TPD52L2: variants seen among roughly 807,000 people sequenced by gnomAD.
The protein encoded by TPD52L2 is tumor protein D54.
In TPD52L2, 19 loss-of-function variants were observed where a neutral mutation model predicts 24.7. The ratio of observed to expected loss-of-function variants is 0.77; its 90% CI spans 0.54 to 1.13. The LOEUF (loss-of-function observed/expected upper bound fraction) is 1.13. Ranked by LOEUF, TPD52L2 falls within the 50% of genes most tolerant of loss-of-function variation. TPD52L2 has a pLI of 0.00. For synonymous variants in TPD52L2, 104 were observed against 100.2 expected (o/e 1.04, Z -0.23); for missense variants, 236 against 250.4 (o/e 0.94, Z 0.39).
intron 4 of TPD52L2, among the ~76,000 whole-genome samples, chr20:63,876,386 G>T (rs1458063999): frequency 6.6e-6 from 1 of 152,174 alleles, no homozygotes; most frequent in Non-Finnish European, 1.5e-5. Context: ...CTCACGATCT[G>T]GGAGGCACTG....
At chr20:63,886,374 T>G (rs191802568) in intron 5 of TPD52L2, among the ~76,000 whole-genome samples, 1 of 152,120 alleles carries the variant, frequency 6.6e-6, no homozygotes, top group Admixed American at 6.5e-5. Context: ...GCTTTTTTTT[T>G]TTTTTAGACG....
At chr20:63,878,285 C>G (rs751315227) in intron 4 of TPD52L2, among the ~76,000 whole-genome samples, 16 of 152,216 alleles carry the variant, frequency 1.1e-4, no homozygotes, top group Non-Finnish European at 2.2e-4. Context: ...GCAATGCGGC[C>G]ACATTCTCAG....
At chr20:63,882,055 C>G (rs1344856240) in intron 4 of TPD52L2, among the ~76,000 whole-genome samples, 1 of 152,202 alleles carries the variant, frequency 6.6e-6, no homozygotes, top group Non-Finnish European at 1.5e-5. Context: ...AGGACAGACC[C>G]TTGCACTGTG....
chr20:63,886,219 G>A (rs576232299), intron 5 of TPD52L2, among the ~76,000 whole-genome samples: 8 of 152,310 alleles, frequency 5.3e-5, no homozygotes, highest in South Asian at 2.1e-4. Context: ...AAGCAGCAGC[G>A]TGGGATCGAC....
chr20:63,870,918 A>G (rs2052440113), intron 2 of TPD52L2, among the ~76,000 whole-genome samples: 1 of 151,968 alleles, frequency 6.6e-6, no homozygotes, highest in Non-Finnish European at 1.5e-5. Flanking sequence ...GAGTTTCACC[A>G]TGTTGGCCAG....
At chr20:63,876,877 C>G (rs1568948396) in intron 4 of TPD52L2, 1 of 453,896 alleles carries the variant, frequency 2.2e-6, no homozygotes, top group Admixed American at 2.4e-5. Flanking sequence ...CATCTGGGTG[C>G]TCTGGGGACC....
At chr20:63,868,162 C>T (rs1416096100) in intron 1 of TPD52L2, among the ~76,000 whole-genome samples, 1 of 152,172 alleles carries the variant, frequency 6.6e-6, no homozygotes, top group Non-Finnish European at 1.5e-5. Flanking sequence ...ATCCACCTGC[C>T]TCGGCCTCCA....
At chr20:63,882,849 T>TGA in intron 5 of TPD52L2, 29 bp downstream of exon 5, 1 of 1,568,756 alleles carries the variant, frequency 6.4e-7, no homozygotes, top group Non-Finnish European at 8.7e-7. Context: ...TCTGCTGCCC[T>TGA]GAGACCTGGC....
intron 4 of TPD52L2, chr20:63,876,878 T>C (rs761351492): frequency 2.4e-5 from 11 of 455,462 alleles, no homozygotes; most frequent in Non-Finnish European, 4.0e-5. Context: ...ATCTGGGTGC[T>C]CTGGGGACCC....
At chr20:63,881,018 GC>G (rs1207785235) in intron 4 of TPD52L2, among the ~76,000 whole-genome samples, 4 of 151,594 alleles carry the variant, frequency 2.6e-5, no homozygotes, top group African/African-American at 9.7e-5. Context: ...GCTGCACGGA[GC>G]CTGGATGGGA....
intron 4 of TPD52L2, among the ~76,000 whole-genome samples, chr20:63,880,714 C>T (rs1458447848): frequency 2.6e-5 from 4 of 151,900 alleles, no homozygotes; most frequent in African/African-American, 9.7e-5. Flanking sequence ...CACGGTGAAA[C>T]TCCGTCTGTA....
chr20:63,881,258 C>T lies in TPD52L2; in HGVS notation c.375-1461C>T, dbSNP rs1272917673. Among the ~76,000 whole-genome samples, 6 of 151,740 alleles carry T rather than the reference C, an allele frequency of 4.0e-5. No homozygotes were observed. The East Asian group carries it at 7.8e-4, about 20-fold the overall frequency. On this transcript the variant is annotated intron_variant, in intron 4 of 6. Coordinates refer to ENST00000346249, the MANE Select transcript of TPD52L2 (RefSeq NM_003288.4). ...TGCCTGTAATCCCAGCTACTTGGGA[C>T]GCTGAGGCAGGAGAATCTCTTGAAC... is the stretch of plus-strand genomic sequence containing the variant.
intron 1 of TPD52L2, 104 bp downstream of exon 1, chr20:63,865,488 TTC>T (rs1401189681): frequency 2.1e-6 from 3 of 1,414,940 alleles, no homozygotes; most frequent in Non-Finnish European, 2.8e-6. Context: ...TCGGTCTCGG[TTC>T]ACCCACCCCG....
At chr20:63,881,100 AC>A (rs2052879725) in intron 4 of TPD52L2, among the ~76,000 whole-genome samples, 1 of 151,882 alleles carries the variant, frequency 6.6e-6, no homozygotes, top group South Asian at 2.1e-4. Context: ...AGTGGCTCAC[AC>A]CTGTCATCCC....
intron 5 of TPD52L2, chr20:63,887,320 T>C: frequency 1.6e-6 from 1 of 622,630 alleles, no homozygotes. Context: ...CAGCTTCCTA[T>C]GGCAGTGCTC....
intron 5 of TPD52L2, among the ~76,000 whole-genome samples, chr20:63,886,296 G>C (rs1261885060): frequency 6.6e-6 from 1 of 151,890 alleles, no homozygotes; most frequent in Non-Finnish European, 1.5e-5. Context: ...CAGGCTCACA[G>C]ACCGCCTGCT....
chr20:63,868,637 CT>C (rs1189217659), intron 1 of TPD52L2, among the ~76,000 whole-genome samples: 1 of 152,102 alleles, frequency 6.6e-6, no homozygotes, highest in African/African-American at 2.4e-5. Flanking sequence ...TATTAGGTTC[CT>C]TTTTTTAAAA....
Position 63,869,286 on chromosome 20 carries a change from T to C in TPD52L2, c.20-10T>C, listed in dbSNP as rs1238476589. 6.2e-7 allele frequency: 1 copy of C among 1,614,048 alleles called. No individual in the cohort carries two copies. The highest frequency in any genetic ancestry group is 1.6e-4 in the Middle Eastern group (1 of 6,062). ...TTTGACACTTTGTGGCCTCATTTTG[T>C]CTCTGGCAGATATCAACCTGAATTC... On this transcript the variant is annotated splice_polypyrimidine_tract_variant and intron_variant, in intron 1 of 6. Coordinates refer to ENST00000346249, the MANE Select transcript of TPD52L2 (RefSeq NM_003288.4).
At position 63,877,130 on chromosome 20, in the gene TPD52L2, A is replaced by G. The variant is rs1398926402; in HGVS notation, c.374+1255A>G. On this transcript the variant is annotated intron_variant, in intron 4 of 6. Transcript: ENST00000346249. The surrounding 1 kb of genome is among the most constrained non-coding windows in gnomAD (Gnocchi z 4.1). Reference sequence around the variant, plus strand: ...AAGCTCCGCCTCCCGGGTTCACACCATTCTCCTGCCTCAGCCTCCCCAGTA... The same window carrying G: ...AAGCTCCGCCTCCCGGGTTCACACCGTTCTCCTGCCTCAGCCTCCCCAGTA... 2.2e-5 allele frequency: 8 copies of G among 369,884 alleles called. No individual in the cohort carries two copies. Among genetic ancestry groups the G allele is most frequent in the African/African-American group, 1.3e-4 (6 of 46,816 alleles). The allele number at this position is 369,884 out of a possible 1,614,324, so 22.9% of individuals were successfully genotyped here.
Sources: gnomAD v4.1 joint callset for allele counts (sites outside exome capture counted in the v4.1 genomes callset) on GRCh38, gnomAD v4.1.1 for gene constraint, Gnocchi (gnomAD v3.1) non-coding constraint, MANE v1.5 for transcripts, NCBI Gene and HGNC (gene_info 2026-07-23, HGNC 2026-07-21) for gene names.